Variants in CCDC28A observed in about 807,000 individuals in gnomAD.
CCDC28A encodes the protein coiled-coil domain-containing protein 28A.
A neutral mutation model predicts 22.1 loss-of-function variants in CCDC28A; 24 were observed. That is an observed-to-expected ratio of 1.09 (90% CI 0.79 to 1.53). The LOEUF is 1.53. Ranked by LOEUF, CCDC28A falls within the 40% of genes most tolerant of loss-of-function variation. The pLI is 0.00. For synonymous variants in CCDC28A, 83 were observed against 74.7 expected, an observed-to-expected ratio of 1.11 and a Z score of -0.57; for missense variants, 170 against 210.7, an observed-to-expected ratio of 0.81 and a Z score of 1.20.
intron 5 of CCDC28A, 71 bp from the exon 6 acceptor site, chr6:138,792,678 G>T: frequency 2.1e-6 from 2 of 949,958 alleles, no homozygotes; most frequent in Non-Finnish European, 3.4e-6. Flanking sequence ...CTTTGCTCCT[G>T]AATGTAATTT....
chr6:138,789,203 A>G (rs924508587), intron 5 of CCDC28A, among the ~76,000 whole-genome samples: 2 of 152,212 alleles, frequency 1.3e-5, no homozygotes, highest in Non-Finnish European at 2.9e-5. Context: ...AACAGGCACA[A>G]TGGTAAGGTA....
At chr6:138,788,247 C>T (rs1775122156) in intron 4 of CCDC28A, 119 bp from the exon 5 acceptor site, 6 of 416,032 alleles carry the variant, frequency 1.4e-5, no homozygotes. Flanking sequence ...AAGCACGGGT[C>T]ACTGTGACCA....
intron 5 of CCDC28A, among the ~76,000 whole-genome samples, chr6:138,788,960 A>G (rs1266650024): frequency 6.6e-6 from 1 of 152,170 alleles, no homozygotes; most frequent in Non-Finnish European, 1.5e-5. Context: ...ACTATACTTA[A>G]TATCATCACA....
chr6:138,787,784 C>G (rs1160269133), intron 4 of CCDC28A, among the ~76,000 whole-genome samples: 1 of 152,000 alleles, frequency 6.6e-6, no homozygotes, highest in Non-Finnish European at 1.5e-5. Context: ...CTCCCCTCAG[C>G]CTTCCAAAGT....
intron 3 of CCDC28A, among the ~76,000 whole-genome samples, chr6:138,782,857 C>T (rs1775039806): frequency 6.6e-6 from 1 of 152,140 alleles, no homozygotes; most frequent in South Asian, 2.1e-4. Context: ...GCATAATTTA[C>T]ATTAATTCAT....
At chr6:138,775,990 C>T in intron 1 of CCDC28A, 89 bp from the exon 2 acceptor site, 1 of 1,077,734 alleles carries the variant, frequency 9.3e-7, no homozygotes, top group Non-Finnish European at 1.4e-6. Context: ...ATTCTTGATC[C>T]TCTTTTGACC....
At position 138,773,852 on chromosome 6, in the gene CCDC28A, G is replaced by T. The variant is rs375355757; in HGVS notation, c.-93G>T. On this transcript the variant is annotated 5_prime_UTR_variant, in exon 1 of 6. Coordinates refer to ENST00000617445, the MANE Select transcript of CCDC28A (RefSeq NM_015439.3). ...GGCTGCGGCGGTGGCTTCTGAGGCT[G>T]TCGGGTCTTTGCGGGTTGCGGAAGG... 4 of 1,614,134 alleles carry T rather than the reference G, an allele frequency of 2.5e-6. No homozygotes were observed. The East Asian group carries it at 6.7e-5, about 27-fold the overall frequency.
At chr6:138,787,126 A>G (rs1266721996) in intron 4 of CCDC28A, among the ~76,000 whole-genome samples, 3 of 152,208 alleles carry the variant, frequency 2.0e-5, no homozygotes, top group African/African-American at 7.2e-5. Flanking sequence ...TTCCTTCTGT[A>G]AGATAAAAAT....
intron 3 of CCDC28A, among the ~76,000 whole-genome samples, chr6:138,781,579 G>A (rs186880824): frequency 1.4e-3 from 219 of 152,278 alleles, no homozygotes; most frequent in Admixed American, 3.3e-3. Context: ...CAAGCAGTAG[G>A]TATTATTCGT....
chr6:138,782,675 C>A (rs1018245081), intron 3 of CCDC28A, among the ~76,000 whole-genome samples: 2 of 152,128 alleles, frequency 1.3e-5, no homozygotes, highest in African/African-American at 4.8e-5. Context: ...ACTTGACCTT[C>A]CAGGTTACTA....
intron 1 of CCDC28A, among the ~76,000 whole-genome samples, chr6:138,774,933 GTTTT>G (rs1226857868): frequency 6.8e-6 from 1 of 146,098 alleles, no homozygotes; most frequent in East Asian, 1.9e-4. Flanking sequence ...TATGGAAGGG[GTTTT>G]TTTGTTTTGT....
chr6:138,785,424 TG>T (rs1417689439), intron 4 of CCDC28A, 43 bp downstream of exon 4: 1 of 1,495,650 alleles, frequency 6.7e-7, no homozygotes, highest in Non-Finnish European at 9.2e-7. Context: ...AAAAAATTTT[TG>T]TTGCGAAAAA....
rs1775076932 is a variant in CCDC28A, at chr6:138,785,342, A to G, written c.438A>G (p.Lys146=). The part of the protein sequence containing the change: ...ELEELPEDKR[K]TASDSNLDRL... ...AGGAACTTCCTGAGGATAAGAGAAA[A>G]ACAGCCAGTGACTCCAATCTGGATA... is the stretch of plus-strand genomic sequence containing the variant. The change falls in exon 4 of 6, where the codon AAA becomes AAG. Residue 146 remains lysine (K), a synonymous_variant. Transcript: ENST00000617445. 1 of 1,613,794 alleles carries G rather than the reference A, an allele frequency of 6.2e-7. No homozygotes were observed. Among genetic ancestry groups the G allele is most frequent in the Middle Eastern group, 1.6e-4 (1 of 6,062 alleles).
intron 2 of CCDC28A, among the ~76,000 whole-genome samples, chr6:138,778,532 A>G (rs1774970982): frequency 6.6e-6 from 1 of 152,220 alleles, no homozygotes; most frequent in Non-Finnish European, 1.5e-5. Context: ...AGGGGTTCCA[A>G]AAAGGCCTTC....
chr6:138,776,038 T>C, intron 1 of CCDC28A, 41 bp from the exon 2 acceptor site: 1 of 1,472,848 alleles, frequency 6.8e-7, no homozygotes, highest in African/African-American at 1.4e-5. Context: ...CATGTTTGCA[T>C]ATTATAGCAT....
chr6:138,784,609 C>T (rs911019751), intron 3 of CCDC28A, among the ~76,000 whole-genome samples: 23 of 152,078 alleles, frequency 1.5e-4, no homozygotes, highest in African/African-American at 4.8e-4. Context: ...AGTCCTACTG[C>T]CTCAACCTCC....
chr6:138,775,040 T>C (rs1208743991), intron 1 of CCDC28A, among the ~76,000 whole-genome samples: 3 of 152,218 alleles, frequency 2.0e-5, no homozygotes, highest in South Asian at 2.1e-4. Flanking sequence ...CCCGGGTTCA[T>C]GCCATTGTCC....
chr6:138,786,437 GTTAGTT>G (rs1562440749), intron 4 of CCDC28A, among the ~76,000 whole-genome samples: 1 of 152,150 alleles, frequency 6.6e-6, no homozygotes, highest in Non-Finnish European at 1.5e-5. Context: ...TTCAACACAC[GTTAGTT>G]TTAGATTCCC....
intron 5 of CCDC28A, among the ~76,000 whole-genome samples, chr6:138,792,129 C>T (rs907443234): frequency 2.0e-5 from 3 of 152,026 alleles, no homozygotes; most frequent in Non-Finnish European, 4.4e-5. Context: ...ATTGTTTTCC[C>T]AAAGATGATA....
Sources: allele counts gnomAD v4.1 joint callset (sites outside exome capture counted in the v4.1 genomes callset), GRCh38; gene constraint gnomAD v4.1.1; transcripts MANE v1.5; gene names NCBI Gene and HGNC (gene_info 2026-07-23, HGNC 2026-07-21).